Variants in FAM13A observed in about 807,000 individuals in gnomAD.
FAM13A encodes family with sequence similarity 13 member A.
Under a neutral mutation model 129.6 loss-of-function variants are expected in FAM13A, and 76 were observed. The ratio of observed to expected loss-of-function variants is 0.59; its 90% CI spans 0.49 to 0.71. FAM13A has a LOEUF of 0.71. Among genes scored for constraint, FAM13A ranks in the 30% least tolerant of loss-of-function variants. The pLI is 0.00. For missense variants in FAM13A, 1,108 were observed against 1,249.3 expected (o/e 0.89, Z 1.70); for synonymous variants, 443 against 449.9 (o/e 0.98, Z 0.20).
intron 17 of FAM13A, among the ~76,000 whole-genome samples, chr4:88,748,424 T>A (rs112424005): frequency 1.3e-5 from 2 of 152,362 alleles, no homozygotes; most frequent in African/African-American, 4.8e-5. Flanking sequence ...GAATGTGGCA[T>A]CCTTGCTCCT....
At chr4:88,883,201 A>G (rs1314754958) in intron 6 of FAM13A, among the ~76,000 whole-genome samples, 1 of 152,150 alleles carries the variant, frequency 6.6e-6, no homozygotes, top group Non-Finnish European at 1.5e-5. Context: ...CTAAACAACT[A>G]GAGAATATAC....
intron 3 of FAM13A, among the ~76,000 whole-genome samples, chr4:89,001,467 G>C (rs912371947): frequency 2.0e-5 from 3 of 152,148 alleles, no homozygotes; most frequent in African/African-American, 7.2e-5. Context: ...AAAATGGAAA[G>C]GTTAAATTTT....
At position 88,797,333 on chromosome 4, in the gene FAM13A, C is replaced by A. The variant is rs563057114; in HGVS notation, c.1050-6706G>T. ...ACCCAGGCTGGAGGGAGTACAGTGG[C>A]ATCATCATAGCTCACTGAAATCTCA... On this transcript the variant is annotated intron_variant, in intron 8 of 23. Transcript: ENST00000264344. 1.2e-4 allele frequency among the ~76,000 whole-genome samples: 18 copies of A among 150,620 alleles called. No homozygotes were observed. In the South Asian group the frequency reaches 3.6e-3, roughly 30 times the overall value.
chr4:89,047,814 CA>C (rs1771064904), intron 1 of FAM13A, among the ~76,000 whole-genome samples: 1 of 152,056 alleles, frequency 6.6e-6, no homozygotes, highest in Non-Finnish European at 1.5e-5. Flanking sequence ...TCAATAAAAC[CA>C]AAATGACACA....
At chr4:88,805,229 T>C (rs1728323980) in intron 7 of FAM13A, among the ~76,000 whole-genome samples, 177 bp from the exon 8 acceptor site, 1 of 152,196 alleles carries the variant, frequency 6.6e-6, no homozygotes, top group Non-Finnish European at 1.5e-5. Context: ...AATTACTTCT[T>C]GTCAGGATAC....
chr4:88,843,179 G>A (rs72872148), intron 7 of FAM13A, among the ~76,000 whole-genome samples: 10,624 of 152,058 alleles, frequency 0.07, 526 homozygotes, highest in African/African-American at 0.14. Context: ...CTTTCAATAC[G>A]TCTTTCTTAT....
rs561471908 is a variant in FAM13A at position 88,726,956 on chromosome 4, T to A, written c.*1577A>T. On this transcript the variant is annotated 3_prime_UTR_variant, in exon 24 of 24. Transcript: ENST00000264344. ...CATTCAGCTGACAGAAGAGAGCTGC[T>A]ACCTCACTTCAGCAATGGAAAATGT... 3 of 152,492 alleles carry A rather than the reference T, an allele frequency of 2.0e-5. No individual in the cohort carries two copies. The highest frequency in any genetic ancestry group is 1.5e-5 in the Non-Finnish European group (1 of 68,040). 9.4% of individuals were successfully genotyped at this position (152,492 alleles called of 1,614,324 possible).
intron 13 of FAM13A, among the ~76,000 whole-genome samples, chr4:88,760,165 C>T (rs1006638823): frequency 6.6e-6 from 1 of 152,218 alleles, no homozygotes; most frequent in Non-Finnish European, 1.5e-5. Flanking sequence ...GCCACCCAAC[C>T]AACCCACTTT....
intron 4 of FAM13A, among the ~76,000 whole-genome samples, chr4:88,944,140 T>C (rs528335074): frequency 3.0e-4 from 45 of 151,882 alleles, no homozygotes; most frequent in African/African-American, 9.9e-4. Context: ...GTGTGGGAGG[T>C]GGACTTGAGG....
intron 7 of FAM13A, chr4:88,823,013 GT>G (rs759051482): frequency 5.0e-6 from 8 of 1,613,562 alleles, no homozygotes; most frequent in Non-Finnish European, 6.8e-6. Flanking sequence ...ATTCTCGTAT[GT>G]AAATTTGCAA....
intron 1 of FAM13A, among the ~76,000 whole-genome samples, chr4:89,030,655 A>G (rs1003774765): frequency 7.9e-5 from 12 of 152,280 alleles, no homozygotes; most frequent in African/African-American, 2.6e-4. Flanking sequence ...AGAGTTGAGG[A>G]AGCAAAAACC....
At chr4:88,777,466 A>C (rs1560963814) in intron 11 of FAM13A, among the ~76,000 whole-genome samples, 3 of 152,124 alleles carry the variant, frequency 2.0e-5, no homozygotes, top group Admixed American at 2.0e-4. Context: ...GGGTTTAAGG[A>C]AAGGGAAAGG....
Position 88,983,088 on chromosome 4 carries a change from C to A in FAM13A, c.605+7885G>T, listed in dbSNP as rs564383978. On this transcript the variant is annotated intron_variant, in intron 4 of 23. Transcript: ENST00000264344. ...TGAATCCTGTGTTACAACTTGATGG[C>A]AGTTCAACTTCTGCCTAATCCTACC... Among the ~76,000 whole-genome samples the A allele has an allele frequency of 3.3e-5, 5 of 152,246 alleles. No homozygotes were observed. In the East Asian group the frequency reaches 9.7e-4, roughly 29 times the overall value.
intron 7 of FAM13A, among the ~76,000 whole-genome samples, chr4:88,812,270 G>A (rs1729791008): frequency 6.6e-6 from 1 of 152,062 alleles, no homozygotes; most frequent in African/African-American, 2.4e-5. Flanking sequence ...TACGGATTAT[G>A]TCTCAAAAAA....
Position 88,876,154 on chromosome 4 carries a change from T to G in FAM13A, c.844-24971A>C, listed in dbSNP as rs1029274076. Among the ~76,000 whole-genome samples, 49 of 152,016 alleles carry G rather than the reference T, an allele frequency of 3.2e-4. 1 individual carries two copies. Among genetic ancestry groups the G allele is most frequent in the African/African-American group, 1.1e-3 (45 of 41,428 alleles). On this transcript the variant is annotated intron_variant, in intron 6 of 23. Coordinates refer to ENST00000264344, the MANE Select transcript of FAM13A (RefSeq NM_014883.4). Reference sequence around the variant, plus strand: ...CAGGGCCTGTCCTGGGATGGGGGGCTGGGGGAGGGATAGCATTAGGAGAAA... The same window carrying G: ...CAGGGCCTGTCCTGGGATGGGGGGCGGGGGGAGGGATAGCATTAGGAGAAA...
intron 4 of FAM13A, among the ~76,000 whole-genome samples, chr4:88,972,458 C>T (rs773777790): frequency 2.0e-5 from 3 of 151,984 alleles, no homozygotes; most frequent in African/African-American, 7.3e-5. Flanking sequence ...CGTGCCACCA[C>T]GCCTGGCTAA....
chr4:88,952,259 G>A (rs1425296289), intron 4 of FAM13A, among the ~76,000 whole-genome samples: 2 of 151,946 alleles, frequency 1.3e-5, no homozygotes, highest in Non-Finnish European at 2.9e-5. Context: ...CCTGTCAGGG[G>A]AATAAATACC....
intron 3 of FAM13A, among the ~76,000 whole-genome samples, chr4:88,997,877 C>T (rs1763769238): frequency 6.6e-6 from 1 of 152,158 alleles, no homozygotes; most frequent in Admixed American, 6.5e-5. Flanking sequence ...CCTCATTAAA[C>T]CTCACAAAAT....
chr4:88,772,725 AT>A (rs761338244), intron 11 of FAM13A, among the ~76,000 whole-genome samples: 1 of 152,212 alleles, frequency 6.6e-6, no homozygotes, highest in Non-Finnish European at 1.5e-5. Flanking sequence ...TTAGCTTACA[AT>A]TGGGTAAAAT....
Sources: allele counts gnomAD v4.1 joint callset (sites outside exome capture counted in the v4.1 genomes callset), GRCh38; gene constraint gnomAD v4.1.1; transcripts MANE v1.5; gene names NCBI Gene and HGNC (gene_info 2026-07-23, HGNC 2026-07-21).